Variants in DCDC1 observed in about 807,000 individuals in gnomAD.
DCDC1 encodes the protein doublecortin domain containing 1.
In DCDC1, 200 loss-of-function variants were observed where a neutral mutation model predicts 178.3. The ratio of observed to expected loss-of-function variants is 1.12; its 90% CI spans 1.00 to 1.26. DCDC1 has a LOEUF of 1.26. DCDC1 is among the 50% of genes most tolerant of loss of function. The probability of loss-of-function intolerance (pLI) is 0.00; values close to 1 mark genes in which losing one functional copy is unlikely to be tolerated. For synonymous variants in DCDC1, 690 were observed against 604.8 expected (o/e 1.14, Z -2.07); for missense variants, 1,983 against 1,749.2 (o/e 1.13, Z -2.38).
intron 9 of DCDC1, among the ~76,000 whole-genome samples, chr11:31,220,020 T>A (rs1228355318): frequency 6.6e-6 from 1 of 151,908 alleles, no homozygotes; most frequent in Non-Finnish European, 1.5e-5. Flanking sequence ...GGCCAGAAAA[T>A]TTTTTAAAAT....
intron 20 of DCDC1, among the ~76,000 whole-genome samples, chr11:31,014,434 C>T (rs1252695987): frequency 6.6e-6 from 1 of 152,092 alleles, no homozygotes; most frequent in Admixed American, 6.6e-5. Flanking sequence ...CCCACTCAAG[C>T]ATTCAGATGA....
chr11:31,198,694 C>G (rs1970965625), intron 9 of DCDC1, among the ~76,000 whole-genome samples: 1 of 151,922 alleles, frequency 6.6e-6, no homozygotes, highest in South Asian at 2.1e-4. Flanking sequence ...TATCACTAGT[C>G]AATTAGAGTG....
chr11:31,119,122 C>G (rs1960413104), intron 11 of DCDC1, among the ~76,000 whole-genome samples: 1 of 152,148 alleles, frequency 6.6e-6, no homozygotes, highest in African/African-American at 2.4e-5. Flanking sequence ...ATTTCAGCAC[C>G]TGCCGCTAAT....
intron 8 of DCDC1, among the ~76,000 whole-genome samples, chr11:31,249,926 G>C (rs1943857960): frequency 6.6e-6 from 1 of 152,040 alleles, no homozygotes; most frequent in Non-Finnish European, 1.5e-5. Flanking sequence ...GTAATCATTA[G>C]GACCCAACAT....
intron 10 of DCDC1, among the ~76,000 whole-genome samples, chr11:31,133,003 T>C (rs971931702): frequency 2.4e-4 from 37 of 152,352 alleles, no homozygotes. Flanking sequence ...GTTTGTATGG[T>C]GTATGCAAGC....
At chr11:31,271,682 G>A (rs536301162) in intron 7 of DCDC1, among the ~76,000 whole-genome samples, 1 of 152,248 alleles carries the variant, frequency 6.6e-6, no homozygotes, top group East Asian at 1.9e-4. Flanking sequence ...CCATTATCAT[G>A]CTGCTGATAA....
chr11:31,180,738 A>C (rs1968682242), intron 9 of DCDC1, among the ~76,000 whole-genome samples: 1 of 152,094 alleles, frequency 6.6e-6, no homozygotes, highest in South Asian at 2.1e-4. Flanking sequence ...TGCCTACGCC[A>C]CCAGGACCGT....
intron 18 of DCDC1, among the ~76,000 whole-genome samples, chr11:31,075,790 C>A (rs1487328808): frequency 2.6e-5 from 4 of 152,178 alleles, no homozygotes; most frequent in African/African-American, 9.7e-5. Context: ...GACATTAGCC[C>A]CCTGTGGGGG....
At chr11:31,133,766 C>T (rs1442841014) in intron 10 of DCDC1, among the ~76,000 whole-genome samples, 11 of 152,214 alleles carry the variant, frequency 7.2e-5, no homozygotes, top group Non-Finnish European at 1.0e-4. Context: ...TGCAGTGGCA[C>T]GAACTCGGCT....
intron 21 of DCDC1, among the ~76,000 whole-genome samples, chr11:30,938,988 C>A (rs1467931300): frequency 6.6e-6 from 1 of 152,120 alleles, no homozygotes; most frequent in Non-Finnish European, 1.5e-5. Flanking sequence ...GAGTCAACTG[C>A]TTTGTCTGTC....
intron 3 of DCDC1, among the ~76,000 whole-genome samples, chr11:31,323,611 A>G (rs923822088): frequency 5.3e-5 from 8 of 151,860 alleles, no homozygotes; most frequent in Non-Finnish European, 8.8e-5. Flanking sequence ...TTTTTTTTTA[A>G]TATTATCATT....
chr11:31,240,364 T>C (rs1976964509), intron 9 of DCDC1, among the ~76,000 whole-genome samples: 1 of 152,038 alleles, frequency 6.6e-6, no homozygotes, highest in Admixed American at 6.6e-5. Flanking sequence ...TGTTTCTGGA[T>C]TTGCTGAATA....
Position 30,899,577 on chromosome 11 carries a change from G to A in DCDC1, c.4729C>T (p.Leu1577=). Residue 1577 remains leucine, a synonymous_variant, in exon 34 of 39, where the codon CTA becomes TTA. Transcript: ENST00000684477. The part of the protein sequence containing the change: ...WLKKDRILAD[L]DTMRHKMRQL... ...CTCATTTTGTGTCTCATGGTATCTA[G>A]ATCAGCCAAAATTCTGTCCTTTTTT... is the stretch of plus-strand genomic sequence containing the variant. The A allele has an allele frequency of 6.3e-7, 1 of 1,586,950 alleles. No individual in the cohort carries two copies. The highest frequency in any genetic ancestry group is 2.3e-5 in the East Asian group (1 of 44,282).
chr11:31,270,161 A>C (rs191107398), intron 7 of DCDC1, among the ~76,000 whole-genome samples: 1 of 152,238 alleles, frequency 6.6e-6, no homozygotes, highest in African/African-American at 2.4e-5. Context: ...ATCCCAGTCC[A>C]TAGCCTGTTT....
chr11:31,282,889 C>T (rs887572151), intron 7 of DCDC1, among the ~76,000 whole-genome samples: 5 of 152,116 alleles, frequency 3.3e-5, no homozygotes, highest in African/African-American at 1.2e-4. Context: ...TTATCTCTCT[C>T]TACACTTTAA....
chr11:30,912,329 G>C (rs902519374), intron 27 of DCDC1, among the ~76,000 whole-genome samples: 1 of 151,776 alleles, frequency 6.6e-6, no homozygotes, highest in Non-Finnish European at 1.5e-5. Context: ...TGTCACCCGG[G>C]TTGGAGTGCA....
At chr11:31,289,165 G>A (rs1947043691) in intron 7 of DCDC1, among the ~76,000 whole-genome samples, 2 of 151,824 alleles carry the variant, frequency 1.3e-5, no homozygotes, top group East Asian at 3.9e-4. Flanking sequence ...TTTCATCTAA[G>A]AACATATAAT....
At chr11:31,341,810 T>TACACACACAC (rs775832478) in intron 1 of DCDC1, among the ~76,000 whole-genome samples, 2 of 62,588 alleles carry the variant, frequency 3.2e-5, no homozygotes, top group Non-Finnish European at 6.0e-5. Flanking sequence ...AATGCATGAC[T>TACACACACAC]ATACACACAC....
At chr11:31,016,649 T>C (rs1397601344) in intron 20 of DCDC1, among the ~76,000 whole-genome samples, 1 of 151,998 alleles carries the variant, frequency 6.6e-6, no homozygotes, top group East Asian at 1.9e-4. Flanking sequence ...AAGCAGTGGG[T>C]GGAATAGCAC....
Sources: gnomAD v4.1 joint callset for allele counts (sites outside exome capture counted in the v4.1 genomes callset) on GRCh38, gnomAD v4.1.1 for gene constraint, MANE v1.5 for transcripts, NCBI Gene and HGNC (gene_info 2026-07-23, HGNC 2026-07-21) for gene names.